PHACTR2: variants seen among roughly 807,000 people sequenced by gnomAD.
PHACTR2 encodes the protein chromosome 6 open reading frame 56.
A neutral mutation model predicts 76.0 loss-of-function variants in PHACTR2; 30 were observed. That is an observed-to-expected ratio of 0.39 (90% CI 0.30 to 0.54). The LOEUF (loss-of-function observed/expected upper bound fraction) is 0.54. Among genes scored for constraint, PHACTR2 ranks in the 20% least tolerant of loss-of-function variants. PHACTR2 has a pLI of 0.61. For missense variants in PHACTR2, 696 were observed against 781.1 expected (o/e 0.89, Z 1.30); for synonymous variants, 292 against 292.5 (o/e 1.00, Z 0.02).
At chr6:143,771,208 A>ATG (rs1307287220) in intron 6 of PHACTR2, among the ~76,000 whole-genome samples, 2 of 80,434 alleles carry the variant, frequency 2.5e-5, no homozygotes, top group African/African-American at 6.8e-5. Context: ...ATATATATAT[A>ATG]TATATATATA....
At chr6:143,756,383 T>C (rs370241099) in intron 4 of PHACTR2, among the ~76,000 whole-genome samples, 1 of 152,104 alleles carries the variant, frequency 6.6e-6, no homozygotes, top group Non-Finnish European at 1.5e-5. Context: ...TCTTTCTCAG[T>C]AAGTGCCTTT....
chr6:143,642,527 G>A (rs533490681), intron 1 of PHACTR2, among the ~76,000 whole-genome samples: 11 of 152,192 alleles, frequency 7.2e-5, no homozygotes, highest in Non-Finnish European at 1.3e-4. Context: ...TGTCCCTACA[G>A]CCTTGCATGT....
rs561163071 is a variant in PHACTR2 at position 143,601,464 on chromosome 6, G to C, written c.217+64257G>C. 2.6e-4 allele frequency among the ~76,000 whole-genome samples: 39 copies of C among 152,238 alleles called. 1 individual carries two copies. In the South Asian group the frequency reaches 8.1e-3, roughly 32 times the overall value. The stretch of plus-strand genomic sequence containing the variant: ...GGTTTTTTTAGGAGTACAATGCTGG[G>C]CTAAGGCACACTAGACTGACACCTA... On this transcript the variant is annotated intron_variant, in intron 1 of 11. Coordinates refer to the PHACTR2 transcript ENST00000367584.
chr6:143,706,132 T>C (rs1208771827), intron 1 of PHACTR2, among the ~76,000 whole-genome samples: 1 of 152,240 alleles, frequency 6.6e-6, no homozygotes, highest in African/African-American at 2.4e-5. Flanking sequence ...CCTCTGTCCC[T>C]TTAACCTACC....
chr6:143,575,808 G>A (rs1343876222), intron 1 of PHACTR2, among the ~76,000 whole-genome samples: 1 of 152,010 alleles, frequency 6.6e-6, no homozygotes, highest in African/African-American at 2.4e-5. Context: ...AGTCCCTATT[G>A]GGGTAAATTG....
Position 143,598,239 on chromosome 6 carries a change from A to G in PHACTR2, c.217+61032A>G, listed in dbSNP as rs907237694. Among the ~76,000 whole-genome samples, 15 of 152,212 alleles carry G rather than the reference A, an allele frequency of 9.9e-5. No homozygotes were observed. Among genetic ancestry groups the G allele is most frequent in the Admixed American group, 9.8e-4 (15 of 15,284 alleles). On this transcript the variant is annotated intron_variant, in intron 1 of 11. Transcript: ENST00000367584. The surrounding 1 kb of genome is among the most constrained non-coding windows in gnomAD (Gnocchi z 4.1). ...GATCCTACATTATTTGGCTGGGCTCAGTGTAATCACAGGATTCCTTATAAG... is the reference window on the plus strand; with the variant it reads ...GATCCTACATTATTTGGCTGGGCTCGGTGTAATCACAGGATTCCTTATAAG...
At position 143,764,335 on chromosome 6, in the gene PHACTR2, C is replaced by T. The variant is rs1321266171; in HGVS notation, c.695-926C>T. Among the ~76,000 whole-genome samples the T allele has an allele frequency of 6.6e-6, 1 of 151,970 alleles. No homozygotes were observed. Among genetic ancestry groups the T allele is most frequent in the African/African-American group, 2.4e-5 (1 of 41,360 alleles). ...AGGAGTTCAAGACCAGCCTGGGCAA[C>T]ATGACAAAACCCTGTCTCAACAAAA... On this transcript the variant is annotated intron_variant, in intron 5 of 12. Coordinates refer to ENST00000440869, the MANE Select transcript of PHACTR2 (RefSeq NM_001100164.2). This position sits in a 1 kb window ranked among gnomAD's most constrained non-coding sequence, Gnocchi z 4.7.
At chr6:143,638,974 C>T (rs898337438) in intron 1 of PHACTR2, among the ~76,000 whole-genome samples, 3 of 152,196 alleles carry the variant, frequency 2.0e-5, no homozygotes, top group African/African-American at 4.8e-5. Context: ...CGTAGCTTCC[C>T]CAAAACTATG....
chr6:143,706,793 C>G (rs1308051376), intron 1 of PHACTR2, among the ~76,000 whole-genome samples: 1 of 152,244 alleles, frequency 6.6e-6, no homozygotes, highest in African/African-American at 2.4e-5. Context: ...AGGATAGCCA[C>G]TTGGCTGCCT....
chr6:143,661,757 A>G (rs1776949708), intron 1 of PHACTR2, among the ~76,000 whole-genome samples: 1 of 152,034 alleles, frequency 6.6e-6, no homozygotes, highest in Non-Finnish European at 1.5e-5. Flanking sequence ...GGGTTTCACC[A>G]GGTTGACCAG....
At chr6:143,771,146 A>ATATATATATGTATATATATATATATG (rs1562300573) in intron 6 of PHACTR2, among the ~76,000 whole-genome samples, 1 of 37,834 alleles carries the variant, frequency 2.6e-5, no homozygotes, top group African/African-American at 1.2e-4. Flanking sequence ...ATATATATGT[A>ATATATATATGTATATATATATATATG]TATATATATA....
rs996428815 is a variant in PHACTR2, at chr6:143,733,708, G to A, written c.215-15277G>A. On this transcript the variant is annotated intron_variant, in intron 2 of 12. Coordinates refer to ENST00000440869, the MANE Select transcript of PHACTR2 (RefSeq NM_001100164.2). This position sits in a 1 kb window ranked among gnomAD's most constrained non-coding sequence, Gnocchi z 4.0. ...ATAATGACCTTAAGTAACTGTGACT[G>A]CTCTGTATGGCAGCATTGCAAAGGT... Among the ~76,000 whole-genome samples the A allele has an allele frequency of 6.6e-6, 1 of 152,156 alleles. No individual in the cohort carries two copies. Among genetic ancestry groups the A allele is most frequent in the African/African-American group, 2.4e-5 (1 of 41,440 alleles).
rs556074073 is a variant in PHACTR2 at position 143,748,315 on chromosome 6, C to T, written c.215-670C>T. On this transcript the variant is annotated intron_variant, in intron 2 of 12. Coordinates refer to ENST00000440869, the MANE Select transcript of PHACTR2 (RefSeq NM_001100164.2). ...CTGACCTCAGGTGATCCACCCACCT[C>T]GGCCCCCGCCAAAGTGCTAGGATTA... Among the ~76,000 whole-genome samples the T allele has an allele frequency of 3.8e-3, 575 of 152,324 alleles. 4 individuals carry two copies. Among genetic ancestry groups the T allele is most frequent in the African/African-American group, 9.4e-3 (392 of 41,580 alleles).
chr6:143,723,169 C>T (rs1229830623), intron 2 of PHACTR2, among the ~76,000 whole-genome samples: 1 of 152,158 alleles, frequency 6.6e-6, no homozygotes, highest in Non-Finnish European at 1.5e-5. Context: ...TTGTCTTCGA[C>T]ACCATCAGTT....
At chr6:143,560,177 AAT>A (rs1775246522) in intron 1 of PHACTR2, among the ~76,000 whole-genome samples, 1 of 152,216 alleles carries the variant, frequency 6.6e-6, no homozygotes, top group African/African-American at 2.4e-5. Flanking sequence ...TTTATGAAAA[AAT>A]AATTCACTAG....
At position 143,596,226 on chromosome 6, in the gene PHACTR2, C is replaced by T. The variant is rs1775753169; in HGVS notation, c.217+59019C>T. On this transcript the variant is annotated intron_variant, in intron 1 of 11. Transcript: ENST00000367584. This position sits in a 1 kb window ranked among gnomAD's most constrained non-coding sequence, Gnocchi z 4.6. ...AATACTTTTGTTGTCCCCAGCAAGCCAGATCTGTGAGTCCCTTTATTCCTC... is the reference window on the plus strand; with the variant it reads ...AATACTTTTGTTGTCCCCAGCAAGCTAGATCTGTGAGTCCCTTTATTCCTC... 1.3e-5 allele frequency among the ~76,000 whole-genome samples: 2 copies of T among 152,280 alleles called. No homozygotes were observed. The highest frequency in any genetic ancestry group is 4.2e-4 in the South Asian group (2 of 4,812).
At position 143,679,009 on chromosome 6, in the gene PHACTR2, AT is replaced by A. The variant is rs1211716096; in HGVS notation, c.46+804del. The stretch of plus-strand genomic sequence containing the variant: ...TAAGGAAATAAATTTAAAAGGTACT[AT>A]TTTGATATTTTTCCATCAACGATTA... On this transcript the variant is annotated intron_variant, in intron 1 of 12. Transcript: ENST00000440869. The surrounding 1 kb of genome is among the most constrained non-coding windows in gnomAD (Gnocchi z 4.6). 5.9e-5 allele frequency among the ~76,000 whole-genome samples: 9 copies of A among 152,174 alleles called. No individual in the cohort carries two copies. Among genetic ancestry groups the A allele is most frequent in the African/African-American group, 2.2e-4 (9 of 41,488 alleles).
chr6:143,689,643 A>T lies in PHACTR2; in HGVS notation c.46+11434A>T, dbSNP rs1777595882. 6.6e-6 allele frequency among the ~76,000 whole-genome samples: 1 copy of T among 151,728 alleles called. No individual in the cohort carries two copies. Among genetic ancestry groups the T allele is most frequent in the African/African-American group, 2.4e-5 (1 of 41,286 alleles). On this transcript the variant is annotated intron_variant, in intron 1 of 12. Transcript: ENST00000440869. This position sits in a 1 kb window ranked among gnomAD's most constrained non-coding sequence, Gnocchi z 4.4. ...CAACCCCTGCCTCTCCCCATTTCAG[A>T]ATCATACATTTCCTATTATTTCCCA...
intron 12 of PHACTR2, chr6:143,810,708 T>C (rs866428136): frequency 4.7e-5 from 14 of 297,814 alleles, no homozygotes; most frequent in South Asian, 2.6e-4. Flanking sequence ...GGCACTTGCA[T>C]GTAGTCTCAG....
Sources: allele counts gnomAD v4.1 joint callset (sites outside exome capture counted in the v4.1 genomes callset), GRCh38; gene constraint gnomAD v4.1.1; non-coding constraint Gnocchi (gnomAD v3.1); transcripts MANE v1.5; gene names NCBI Gene and HGNC (gene_info 2026-07-23, HGNC 2026-07-21).